Variants in GDA observed in about 807,000 individuals in gnomAD.
GDA encodes the protein guanine deaminase, also known as cytoplasmic PSD-95 interactor.
A neutral mutation model predicts 59.6 loss-of-function variants in GDA; 18 were observed. That is an observed-to-expected ratio of 0.30 (90% CI 0.21 to 0.45). The LOEUF is 0.45. Among genes scored for constraint, GDA ranks in the 20% least tolerant of loss-of-function variants. GDA has a pLI of 1.00. For missense variants in GDA, 427 were observed against 552.3 expected (o/e 0.77, Z 2.27); for synonymous variants, 201 against 201.1 (o/e 1.00, Z 0.00).
At chr9:72,227,744 AAGAC>A (rs1837777322) in intron 8 of GDA, among the ~76,000 whole-genome samples, 195 bp from the exon 9 acceptor site, 1 of 152,252 alleles carries the variant, frequency 6.6e-6, no homozygotes. Flanking sequence ...AGACTTTCGT[AAGAC>A]AATGTGTTTA....
chr9:72,116,579 C>T (rs1057209714), intron 1 of GDA, among the ~76,000 whole-genome samples: 5 of 151,872 alleles, frequency 3.3e-5, no homozygotes, highest in Non-Finnish European at 5.9e-5. Context: ...GACGGAGTTT[C>T]ACTACGTTGG....
intron 13 of GDA, 142 bp downstream of exon 13, chr9:72,247,575 G>T (rs2131854448): frequency 1.6e-6 from 1 of 620,262 alleles, no homozygotes. Flanking sequence ...TTTTTTAACA[G>T]TCTGAAGCAT....
chr9:72,250,705 A>G lies in GDA; in HGVS notation c.*2363A>G. On this transcript the variant is annotated 3_prime_UTR_variant, in exon 14 of 14. Transcript: ENST00000358399. ...TTGTGGAGAGGCACTTTTCCAAGCCAATCTTATTTGTCACTTTTTGTTTTA... is the reference window on the plus strand; with the variant it reads ...TTGTGGAGAGGCACTTTTCCAAGCCGATCTTATTTGTCACTTTTTGTTTTA... 1.2e-6 allele frequency: 2 copies of G among 1,611,368 alleles called. No individual in the cohort carries two copies. Among genetic ancestry groups the G allele is most frequent in the Non-Finnish European group, 8.5e-7 (1 of 1,179,186 alleles).
chr9:72,129,640 C>G (rs1340575482), intron 1 of GDA, among the ~76,000 whole-genome samples: 5 of 152,148 alleles, frequency 3.3e-5, no homozygotes, highest in Non-Finnish European at 5.9e-5. Flanking sequence ...TGCAGTATTG[C>G]CAGGGTCCCA....
At chr9:72,143,925 A>AAAT (rs1348264623) in intron 1 of GDA, among the ~76,000 whole-genome samples, 9 of 152,208 alleles carry the variant, frequency 5.9e-5, no homozygotes, top group African/African-American at 2.2e-4. Flanking sequence ...AGCTATTTAA[A>AAAT]AATAATAGAC....
At chr9:72,143,790 A>T (rs538341619) in intron 1 of GDA, among the ~76,000 whole-genome samples, 1 of 152,242 alleles carries the variant, frequency 6.6e-6, no homozygotes, top group African/African-American at 2.4e-5. Flanking sequence ...TCTATATTTG[A>T]ACTTTTCTAA....
intron 4 of GDA, among the ~76,000 whole-genome samples, chr9:72,213,373 A>G (rs1400865248): frequency 6.6e-6 from 1 of 152,184 alleles, no homozygotes; most frequent in Non-Finnish European, 1.5e-5. Flanking sequence ...AAAAACTTTT[A>G]CTGTTTACTG....
At chr9:72,116,386 CT>C (rs201791483) in intron 1 of GDA, among the ~76,000 whole-genome samples, 18,990 of 128,018 alleles carry the variant, frequency 0.15, 1,488 homozygotes, top group East Asian at 0.48. Flanking sequence ...TTTCCCCAGC[CT>C]TTTTTTTTTT....
Position 72,152,309 on chromosome 9 carries a change from G to T in GDA, c.123+2627G>T, listed in dbSNP as rs1403789929. ...TTTTGTATAACTTCGTTTAGGCCCA[G>T]AGAATGCCAATGACTAACTGCTCTT... is the stretch of plus-strand genomic sequence containing the variant. On this transcript the variant is annotated intron_variant, in intron 1 of 13. Coordinates refer to ENST00000358399, the MANE Select transcript of GDA (RefSeq NM_004293.5). 3.3e-5 allele frequency among the ~76,000 whole-genome samples: 5 copies of T among 152,328 alleles called. No individual in the cohort carries two copies. In the East Asian group the frequency reaches 7.7e-4, roughly 23 times the overall value.
chr9:72,242,109 G>T (rs1188134762), intron 11 of GDA, among the ~76,000 whole-genome samples: 1 of 152,124 alleles, frequency 6.6e-6, no homozygotes, highest in Admixed American at 6.5e-5. Flanking sequence ...CCTGAGTGAG[G>T]CTTACACAGC....
chr9:72,152,641 G>GT (rs555724903), intron 1 of GDA, among the ~76,000 whole-genome samples: 106 of 152,180 alleles, frequency 7.0e-4, no homozygotes, highest in African/African-American at 2.5e-3. Flanking sequence ...GGGGTTGTTT[G>GT]TTTTTTTCTT....
Position 72,248,443 on chromosome 9 carries a change from T to A in GDA, c.*101T>A. On this transcript the variant is annotated 3_prime_UTR_variant, in exon 14 of 14. Coordinates refer to ENST00000358399, the MANE Select transcript of GDA (RefSeq NM_004293.5). ...AAGTCAAAAAATAGTACCTTGTTCT[T>A]GGGATGACTATCCCTTTCTGTGTCT... The A allele has an allele frequency of 6.4e-7, 1 of 1,568,738 alleles. No individual in the cohort carries two copies. The highest frequency in any genetic ancestry group is 1.2e-5 in the South Asian group (1 of 84,546).
chr9:72,170,677 C>A (rs1829854923), intron 1 of GDA, among the ~76,000 whole-genome samples: 1 of 152,130 alleles, frequency 6.6e-6, no homozygotes, highest in Non-Finnish European at 1.5e-5. Context: ...TTCCCATGAG[C>A]AAATCAGCAA....
At chr9:72,201,089 A>G (rs1833946546) in intron 2 of GDA, among the ~76,000 whole-genome samples, 1 of 152,034 alleles carries the variant, frequency 6.6e-6, no homozygotes, top group African/African-American at 2.4e-5. Context: ...GATGCTTTCC[A>G]TTATCTAGGC....
At chr9:72,147,528 A>G (rs560178880), upstream of GDA, among the ~76,000 whole-genome samples, 4 of 152,220 alleles carry the variant, frequency 2.6e-5, no homozygotes, top group South Asian at 2.1e-4. Context: ...AAAGCTTAAC[A>G]TTGTGGCTAT....
At chr9:72,234,988 A>G (rs1838806344) in intron 10 of GDA, among the ~76,000 whole-genome samples, 1 of 152,218 alleles carries the variant, frequency 6.6e-6, no homozygotes, top group Non-Finnish European at 1.5e-5. Context: ...TATTTTCCTT[A>G]GGAACCCTTT....
chr9:72,151,752 C>T (rs936399390), intron 1 of GDA, among the ~76,000 whole-genome samples: 5 of 151,794 alleles, frequency 3.3e-5, no homozygotes, highest in Non-Finnish European at 7.4e-5. Flanking sequence ...GGACTACAGG[C>T]GCCACCACGC....
chr9:72,188,298 CAG>C (rs1025519153), intron 1 of GDA, among the ~76,000 whole-genome samples: 2 of 152,144 alleles, frequency 1.3e-5, no homozygotes, highest in Non-Finnish European at 2.9e-5. Context: ...ATCACAGGCC[CAG>C]AGTTCTAAGA....
upstream of GDA, among the ~76,000 whole-genome samples, chr9:72,147,854 C>A (rs979815592): frequency 6.6e-6 from 1 of 152,138 alleles, no homozygotes; most frequent in Non-Finnish European, 1.5e-5. Context: ...GAGAAAGTGA[C>A]AAGGAGCAGG....
Sources: allele counts gnomAD v4.1 joint callset (sites outside exome capture counted in the v4.1 genomes callset), GRCh38; gene constraint gnomAD v4.1.1; transcripts MANE v1.5; gene names NCBI Gene and HGNC (gene_info 2026-07-23, HGNC 2026-07-21).